Variants in AKAP9 observed in about 807,000 individuals in gnomAD.
AKAP9 encodes the protein A-kinase anchoring protein 9.
AKAP9 carries 311 observed loss-of-function variants against 488.5 expected under a neutral mutation model. The observed-to-expected ratio is 0.64, with a 90% CI of 0.58 to 0.70. The LOEUF is 0.70. Among genes scored for constraint, AKAP9 ranks in the 30% least tolerant of loss-of-function variants. AKAP9 has a pLI of 0.00. For synonymous variants in AKAP9, 1,462 were observed against 1,483.5 expected (o/e 0.99, Z 0.33); for missense variants, 4,215 against 4,374.5 (o/e 0.96, Z 1.03).
At chr7:91,966,430 A>G (rs994671662) in intron 1 of AKAP9, among the ~76,000 whole-genome samples, 1 of 152,182 alleles carries the variant, frequency 6.6e-6, no homozygotes, top group Non-Finnish European at 1.5e-5. Flanking sequence ...TTTTCCCAGC[A>G]TTATTTATTG....
intron 14 of AKAP9, among the ~76,000 whole-genome samples, chr7:92,025,316 C>T (rs1802941517): frequency 1.3e-5 from 2 of 152,170 alleles, no homozygotes; most frequent in South Asian, 4.1e-4. Flanking sequence ...GCTCACCACC[C>T]TCTCTCAGAG....
At chr7:91,968,407 G>C (rs1392835582) in intron 1 of AKAP9, among the ~76,000 whole-genome samples, 1 of 152,110 alleles carries the variant, frequency 6.6e-6, no homozygotes. Context: ...ATAATAGTCT[G>C]TAATGATTTT....
intron 5 of AKAP9, among the ~76,000 whole-genome samples, chr7:91,993,405 C>T (rs1028876169): frequency 6.6e-6 from 1 of 152,000 alleles, no homozygotes. Flanking sequence ...TCTCCTTGGC[C>T]TCCCAAAGTG....
intron 40 of AKAP9, among the ~76,000 whole-genome samples, chr7:92,096,340 T>G (rs553739249): frequency 8.5e-4 from 128 of 150,178 alleles, no homozygotes; most frequent in African/African-American, 1.7e-3. Context: ...TTTTGTTTTT[T>G]TTTTTTTTTT....
intron 49 of AKAP9, 119 bp downstream of exon 49, chr7:92,108,752 T>C: frequency 8.1e-7 from 1 of 1,235,056 alleles, no homozygotes; most frequent in East Asian, 2.5e-5. Context: ...GTGCATGAGC[T>C]AATTATTAAG....
At chr7:91,988,423 A>G (rs1797368374) in intron 3 of AKAP9, among the ~76,000 whole-genome samples, 1 of 151,532 alleles carries the variant, frequency 6.6e-6, no homozygotes, top group Non-Finnish European at 1.5e-5. Flanking sequence ...TGACCTAATG[A>G]TCACACCACT....
chr7:92,061,869 T>C (rs532525799), intron 23 of AKAP9, among the ~76,000 whole-genome samples: 3 of 152,118 alleles, frequency 2.0e-5, no homozygotes, highest in African/African-American at 7.2e-5. Flanking sequence ...TTATGGGTGT[T>C]GGCCTTCTAA....
chr7:92,087,202 G>A (rs1366789806), intron 37 of AKAP9, among the ~76,000 whole-genome samples: 1 of 152,104 alleles, frequency 6.6e-6, no homozygotes, highest in African/African-American at 2.4e-5. Flanking sequence ...TTAGTGAGAA[G>A]GCAAATCTGC....
In AKAP9 at chr7:92,014,345, T is replaced by C. The variant is rs1801204631; in HGVS notation, c.3612+17T>C. 1 of 1,555,842 alleles carries C rather than the reference T, an allele frequency of 6.4e-7. No homozygotes were observed. The highest frequency in any genetic ancestry group is 8.8e-7 in the Non-Finnish European group (1 of 1,130,104). ...TTTTTACAGGTAAAATGTTTAAAAG[T>C]ACTTTTATGGCCAGATGTGGTGGCT... On this transcript the variant is annotated intron_variant, in intron 10 of 49. Coordinates refer to ENST00000356239, the MANE Select transcript of AKAP9 (RefSeq NM_005751.5).
chr7:92,060,997 G>A (rs552829037), intron 22 of AKAP9, among the ~76,000 whole-genome samples: 98 of 152,142 alleles, frequency 6.4e-4, no homozygotes, highest in Middle Eastern at 3.4e-3. Flanking sequence ...ATTTAAAGTG[G>A]TTTGTATCCA....
intron 21 of AKAP9, among the ~76,000 whole-genome samples, chr7:92,051,754 C>T (rs1261418337): frequency 6.6e-6 from 1 of 152,136 alleles, no homozygotes; most frequent in Non-Finnish European, 1.5e-5. Context: ...GCACTTGGTA[C>T]ATGAAGATTT....
rs2130860788 is a variant in AKAP9, at chr7:92,079,181, G to C, written c.7048G>C (p.Glu2350Gln). ...GAAGAGAAATAGAGAAGAAGAAATAGAGCAGCTCAATGAAGTGATTGAAAA... is the reference window on the plus strand; with the variant it reads ...GAAGAGAAATAGAGAAGAAGAAATACAGCAGCTCAATGAAGTGATTGAAAA... Reference protein sequence around the residue: ...CVKRNREEEIEQLNEVIEKLQ... With the variant: ...CVKRNREEEIQQLNEVIEKLQ... Residue 2350 changes from glutamate to glutamine, a missense_variant, in exon 31 of 50, where the codon GAG (glutamate) becomes CAG (glutamine). This residue lies in a region of AKAP9 where 1,476 missense variants were observed against 1,477.4 expected (regional missense o/e 1.00). Coordinates refer to ENST00000356239, the MANE Select transcript of AKAP9 (RefSeq NM_005751.5). 6.2e-7 allele frequency: 1 copy of C among 1,613,958 alleles called. No individual in the cohort carries two copies. The highest frequency in any genetic ancestry group is 8.5e-7 in the Non-Finnish European group (1 of 1,179,964).
chr7:91,947,897 T>C (rs967793046), intron 1 of AKAP9, among the ~76,000 whole-genome samples: 1 of 152,230 alleles, frequency 6.6e-6, no homozygotes, highest in African/African-American at 2.4e-5. Flanking sequence ...TTCTGTCTAC[T>C]TCCCAAACAT....
At chr7:91,987,152 T>A (rs2130616333) in intron 3 of AKAP9, among the ~76,000 whole-genome samples, 1 of 152,190 alleles carries the variant, frequency 6.6e-6, no homozygotes, top group South Asian at 2.1e-4. Flanking sequence ...CGGTGGCTCA[T>A]TCATGCCTGT....
In AKAP9 at chr7:92,002,400, A is replaced by G. The variant is rs1296930462; in HGVS notation, c.2483A>G (p.Glu828Gly). The G allele has an allele frequency of 6.2e-7, 1 of 1,610,492 alleles. No individual in the cohort carries two copies. The highest frequency in any genetic ancestry group is 2.2e-5 in the East Asian group (1 of 44,764). ...AAAGAAATAGAAATACTTATAGAGG[A>G]AAATGAGGACCTCAAACAACAATGT... ...WEKEIEILIE[E>G]NEDLKQQCIQ... is the part of the protein sequence containing the mutation. Residue 828 changes from glutamate to glycine, a missense_variant, in exon 8 of 50, where the codon GAA (glutamate) becomes GGA (glycine). Coordinates refer to ENST00000356239, the MANE Select transcript of AKAP9 (RefSeq NM_005751.5).
In AKAP9 at chr7:92,107,319, C is replaced by T; in HGVS notation, c.11443C>T (p.His3815Tyr). Residue 3815 changes from histidine (H) to tyrosine (Y), a missense_variant, in exon 48 of 50, where the codon CAT becomes TAT. Coordinates refer to ENST00000356239, the MANE Select transcript of AKAP9 (RefSeq NM_005751.5). ...TGCAGAAAAGACTGACTCATTTTAT[C>T]ATTCTTCTGGTGGGCTGGAGTTATA... ...QGAEKTDSFYHSSGGLELYGE... is the reference protein window; with the variant it reads ...QGAEKTDSFYYSSGGLELYGE... 1 of 1,613,848 alleles carries T rather than the reference C, an allele frequency of 6.2e-7. No homozygotes were observed. The highest frequency in any genetic ancestry group is 8.5e-7 in the Non-Finnish European group (1 of 1,179,906).
At position 92,070,034 on chromosome 7, in the gene AKAP9, A is replaced by G; in HGVS notation, c.6335A>G (p.Glu2112Gly). Residue 2112 changes from glutamate to glycine, a missense_variant, in exon 27 of 50, where the codon GAA (glutamate) becomes GGA (glycine). This residue lies in a region of AKAP9 where 2,361 missense variants were observed against 2,430.0 expected (regional missense o/e 0.97). Coordinates refer to ENST00000356239, the MANE Select transcript of AKAP9 (RefSeq NM_005751.5). ...PISEHQTREV[E>G]QLANHLKEKT... The stretch of plus-strand genomic sequence containing the variant: ...TTTTTGCCTCTTATATTTCAGGTTG[A>G]ACAGTTAGCAAATCATCTGAAAGAA... 6.2e-7 allele frequency: 1 copy of G among 1,612,526 alleles called. No homozygotes were observed. Among genetic ancestry groups the G allele is most frequent in the Non-Finnish European group, 8.5e-7 (1 of 1,179,670 alleles).
intron 31 of AKAP9, 99 bp from the exon 32 acceptor site, chr7:92,082,423 A>G: frequency 7.7e-7 from 1 of 1,302,566 alleles, no homozygotes; most frequent in Non-Finnish European, 1.1e-6. Context: ...ATCTGTAGGC[A>G]GTCATTCCTT....
At chr7:92,029,413 A>G (rs1803857067) in intron 14 of AKAP9, among the ~76,000 whole-genome samples, 1 of 152,228 alleles carries the variant, frequency 6.6e-6, no homozygotes, top group Non-Finnish European at 1.5e-5. Flanking sequence ...TGTATGTTAA[A>G]AGAAGTTTCT....
Sources: allele counts gnomAD v4.1 joint callset (sites outside exome capture counted in the v4.1 genomes callset), GRCh38; gene constraint gnomAD v4.1.1; regional missense constraint gnomAD v4.1.1; transcripts MANE v1.5; gene names NCBI Gene and HGNC (gene_info 2026-07-23, HGNC 2026-07-21).